TLN2: variants seen among roughly 807,000 people sequenced by gnomAD.
TLN2 encodes talin 2.
Under a neutral mutation model 294.7 loss-of-function variants are expected in TLN2, and 118 were observed. The observed-to-expected ratio is 0.40, with a 90% confidence interval of 0.34 to 0.47. The LOEUF (loss-of-function observed/expected upper bound fraction) is 0.47. Ranked by LOEUF, TLN2 falls within the 20% of genes least tolerant of loss-of-function variation. The pLI, the probability that TLN2 is intolerant of heterozygous loss-of-function variation, is 0.84. For missense variants in TLN2, 3,083 were observed against 3,282.2 expected, an observed-to-expected ratio of 0.94 and a Z score of 1.48; for synonymous variants, 1,431 against 1,304.5, an observed-to-expected ratio of 1.10 and a Z score of -2.09.
chr15:62,635,940 C>T (rs2050333879), intron 3 of TLN2, among the ~76,000 whole-genome samples: 1 of 152,144 alleles, frequency 6.6e-6, no homozygotes, highest in Non-Finnish European at 1.5e-5. Context: ...ACCCCCAGAT[C>T]CGTGGCCTTG....
chr15:62,435,871 T>A (rs779464462), intron 1 of TLN2, among the ~76,000 whole-genome samples: 2 of 152,242 alleles, frequency 1.3e-5, no homozygotes, highest in Non-Finnish European at 2.9e-5. Context: ...GAAATTAGCA[T>A]CTGTCACATG....
At chr15:62,431,201 C>T (rs1029964615) in intron 1 of TLN2, among the ~76,000 whole-genome samples, 1 of 152,132 alleles carries the variant, frequency 6.6e-6, no homozygotes, top group Admixed American at 6.5e-5. Context: ...TCCTTGGTCA[C>T]AAGCCTGCTG....
chr15:62,525,449 C>T (rs772986479), intron 1 of TLN2, among the ~76,000 whole-genome samples: 3 of 152,206 alleles, frequency 2.0e-5, no homozygotes, highest in Non-Finnish European at 4.4e-5. Flanking sequence ...GGGTCATTCA[C>T]TCCTCCCCTG....
chr15:62,725,059 G>A lies in TLN2; in HGVS notation c.3210G>A (p.Lys1070=). 6.2e-7 allele frequency: 1 copy of A among 1,613,352 alleles called. No individual in the cohort carries two copies. Among genetic ancestry groups the A allele is most frequent in the African/African-American group, 1.3e-5 (1 of 75,028 alleles). ...TTAAGAATGAACTGCAGGATGCCAA[G>A]ATGGCAGCCGTGGAGAGCCAGCTGA... The part of the protein sequence containing the change: ...QTLKNELQDA[K]MAAVESQLKP... Residue 1070 remains lysine (K), a synonymous_variant, in exon 27 of 59, where the codon AAG becomes AAA. Transcript: ENST00000636159.
Position 62,844,369 on chromosome 15 carries a change from T to G in TLN2, c.*3759T>G, listed in dbSNP as rs574435700. ...GCTATTTCTTTTCAATAAAAAAGGT[T>G]TGGATTCGGCCTCTTCCTCTGAGCC... On this transcript the variant is annotated 3_prime_UTR_variant, in exon 59 of 59. Coordinates refer to ENST00000636159, the MANE Select transcript of TLN2 (RefSeq NM_015059.3). 14 of 152,206 alleles carry G rather than the reference T, an allele frequency of 9.2e-5. No individual in the cohort carries two copies. The East Asian group carries it at 2.7e-3, about 29-fold the overall frequency. 9.4% of individuals were successfully genotyped at this position (152,206 alleles called of 1,614,324 possible).
chr15:62,560,376 G>T (rs2042856620), intron 1 of TLN2, among the ~76,000 whole-genome samples: 1 of 152,150 alleles, frequency 6.6e-6, no homozygotes, highest in Non-Finnish European at 1.5e-5. Flanking sequence ...AAGTGGCAAT[G>T]ACCCAGGCTG....
At chr15:62,808,178 C>T (rs1351828295) in intron 51 of TLN2, among the ~76,000 whole-genome samples, 3 of 152,188 alleles carry the variant, frequency 2.0e-5, no homozygotes, top group African/African-American at 7.2e-5. Context: ...GAAAGACTTA[C>T]CTAAACCCTA....
Position 62,841,113 on chromosome 15 carries a change from G to C in TLN2, c.*503G>C, listed in dbSNP as rs1021956553. 1 of 152,810 alleles carries C rather than the reference G, an allele frequency of 6.5e-6. No individual in the cohort carries two copies. Among genetic ancestry groups the C allele is most frequent in the Admixed American group, 6.5e-5 (1 of 15,282 alleles). The allele number at this position is 152,810 out of a possible 1,614,324, so 9.5% of individuals were successfully genotyped here. A position where few individuals can be genotyped will look rare whatever the true frequency, so the allele number is the denominator to read the frequency against. On this transcript the variant is annotated 3_prime_UTR_variant, in exon 59 of 59. Transcript: ENST00000636159. ...TGTGGACTCCGGGAGGGTGACTCAG[G>C]TCCTCCTTCCATGTCTTGAGCACTG...
At position 62,755,604 on chromosome 15, in the gene TLN2, A is replaced by G. The variant is rs1259241569; in HGVS notation, c.4549A>G (p.Lys1517Glu). The G allele has an allele frequency of 5.0e-6, 8 of 1,614,208 alleles. No homozygotes were observed. The highest frequency in any genetic ancestry group is 3.3e-5 in the Admixed American group (2 of 60,028). Residue 1517 changes from lysine to glutamate, a missense_variant, in exon 37 of 59, where the codon AAG (lysine) becomes GAG (glutamate). Lys to Glu is a moderately conservative substitution (Grantham distance 56). Coordinates refer to ENST00000636159, the MANE Select transcript of TLN2 (RefSeq NM_015059.3). ...CAATGCCTGCCGCATCGCCTCATCC[A>G]AGACGGCCAACCCAGTAGCCAAGAG... Reference protein sequence around the residue: ...LCNACRIASSKTANPVAKRHF... With the variant: ...LCNACRIASSETANPVAKRHF...
intron 46 of TLN2, 31 bp downstream of exon 46, chr15:62,792,818 A>G (rs772734719): frequency 1.2e-6 from 2 of 1,612,266 alleles, no homozygotes; most frequent in South Asian, 1.1e-5. Flanking sequence ...TAGAGTCACA[A>G]GAACCTGCGC....
intron 20 of TLN2, 131 bp downstream of exon 20, chr15:62,707,384 T>A: frequency 9.1e-7 from 1 of 1,097,552 alleles, no homozygotes; most frequent in Non-Finnish European, 1.2e-6. Context: ...TAAAGTGTCT[T>A]AAGTGATGAT....
chr15:62,808,357 C>T (rs1030281519), intron 51 of TLN2, among the ~76,000 whole-genome samples: 5 of 152,062 alleles, frequency 3.3e-5, no homozygotes, highest in African/African-American at 4.8e-5. Flanking sequence ...TATTATCTTC[C>T]CACTGTTGAC....
chr15:62,439,706 A>G (rs1164988411), intron 1 of TLN2, among the ~76,000 whole-genome samples: 1 of 152,182 alleles, frequency 6.6e-6, no homozygotes, highest in Non-Finnish European at 1.5e-5. Flanking sequence ...ATGGCCAGTC[A>G]GTGACTCTCT....
chr15:62,457,132 T>C (rs893285897), intron 1 of TLN2, among the ~76,000 whole-genome samples: 2 of 152,188 alleles, frequency 1.3e-5, no homozygotes, highest in Non-Finnish European at 2.9e-5. Flanking sequence ...AATAGAAATT[T>C]TTTCACGGTT....
Position 62,484,435 on chromosome 15 carries a change from C to CT in TLN2, c.-238+93758dup, listed in dbSNP as rs950205879. 2.3e-4 allele frequency among the ~76,000 whole-genome samples: 34 copies of CT among 149,246 alleles called. 1 individual carries two copies. Among genetic ancestry groups the CT allele is most frequent in the South Asian group, 1.9e-3 (9 of 4,684 alleles). ...GTCCAAGGACCATGGTTTTTTTTTTCTTTTTTTTGAGACGGAGTCTTGCCC... is the reference window on the plus strand; with the variant it reads ...GTCCAAGGACCATGGTTTTTTTTTTCTTTTTTTTTGAGACGGAGTCTTGCCC... On this transcript the variant is annotated intron_variant, in intron 1 of 58. Transcript: ENST00000636159.
intron 1 of TLN2, among the ~76,000 whole-genome samples, chr15:62,536,364 T>G (rs563152617): frequency 4.6e-5 from 7 of 152,320 alleles, no homozygotes; most frequent in African/African-American, 1.7e-4. Flanking sequence ...GTCTTGTCAA[T>G]TCCCTCTTCC....
chr15:62,750,471 A>G lies in TLN2; in HGVS notation c.4189A>G (p.Ser1397Gly), dbSNP rs1191879623. 1 of 1,614,034 alleles carries G rather than the reference A, an allele frequency of 6.2e-7. No individual in the cohort carries two copies. Among genetic ancestry groups the G allele is most frequent in the Non-Finnish European group, 8.5e-7 (1 of 1,180,012 alleles). ...SDLSYFDCIE[S>G]VMENSKVLGE... ...CCTCTCTTACTTTGACTGCATTGAG[A>G]GTGTGATGGAAAACTCCAAGGTAAG... Residue 1397 changes from serine (S) to glycine (G), a missense_variant, in exon 34 of 59, where the codon AGT becomes GGT. Coordinates refer to ENST00000636159, the MANE Select transcript of TLN2 (RefSeq NM_015059.3).
intron 37 of TLN2, among the ~76,000 whole-genome samples, chr15:62,760,188 T>A (rs1358113474): frequency 6.6e-6 from 1 of 152,162 alleles, no homozygotes; most frequent in East Asian, 1.9e-4. Context: ...GGGAAGGGCA[T>A]GAGCCAAGGC....
chr15:62,675,231 CG>C lies in TLN2; in HGVS notation c.869del (p.Gly290GlufsTer3). The C allele has an allele frequency of 6.2e-7, 1 of 1,614,154 alleles. No individual in the cohort carries two copies. ...CACTTTTGCAGGAGCATAAGAACTGCGGAGAGATGAGTGAGATAGAAGCCAA... is the reference window on the plus strand; with the variant it reads ...CACTTTTGCAGGAGCATAAGAACTGCGAGAGATGAGTGAGATAGAAGCCAA... ...KRIFQEHKNC[G>X]EMSEIEAKVK... is the part of the protein sequence containing the mutation. On this transcript the variant is annotated frameshift_variant, in exon 11 of 59. Coordinates refer to ENST00000636159, the MANE Select transcript of TLN2 (RefSeq NM_015059.3). LOFTEE classifies it high-confidence loss of function.
Sources: allele counts gnomAD v4.1 joint callset (sites outside exome capture counted in the v4.1 genomes callset), GRCh38; gene constraint gnomAD v4.1.1; transcripts MANE v1.5; gene names NCBI Gene and HGNC (gene_info 2026-07-23, HGNC 2026-07-21).